The following PPM1L variants were observed in gnomAD, a reference collection of about 807,000 sequenced individuals.
PPM1L encodes the protein protein phosphatase 1L.
In PPM1L, 13 loss-of-function variants were observed where a neutral mutation model predicts 31.4. The ratio of observed to expected loss-of-function variants is 0.41; its 90% CI spans 0.27 to 0.66. The LOEUF (loss-of-function observed/expected upper bound fraction) is 0.66, where lower values mean the gene tolerates loss of function less well. Ranked by LOEUF, PPM1L falls within the 30% of genes least tolerant of loss-of-function variation. PPM1L has a pLI of 0.29. For synonymous variants in PPM1L, 184 were observed against 175.4 expected (o/e 1.05, Z -0.39); for missense variants, 326 against 453.7 (o/e 0.72, Z 2.56).
At chr3:160,795,545 T>C (rs1177672893) in intron 1 of PPM1L, among the ~76,000 whole-genome samples, 1 of 152,176 alleles carries the variant, frequency 6.6e-6, no homozygotes, top group Non-Finnish European at 1.5e-5. Context: ...GATCCGTAAG[T>C]TGGGTGCAGT....
At chr3:160,929,821 A>G (rs934147230) in intron 1 of PPM1L, among the ~76,000 whole-genome samples, 14 of 152,312 alleles carry the variant, frequency 9.2e-5, no homozygotes, top group African/African-American at 3.1e-4. Context: ...GATCCTGGAC[A>G]GACAAGCACT....
chr3:161,012,097 G>A (rs1015549370), intron 2 of PPM1L, among the ~76,000 whole-genome samples: 5 of 152,112 alleles, frequency 3.3e-5, no homozygotes, highest in African/African-American at 4.8e-5. Context: ...TCTTCTGCCC[G>A]TTTTCAAAGG....
At chr3:160,912,388 C>T (rs1232955197) in intron 1 of PPM1L, among the ~76,000 whole-genome samples, 2 of 152,206 alleles carry the variant, frequency 1.3e-5, no homozygotes, top group Non-Finnish European at 2.9e-5. Flanking sequence ...ACATCTAACT[C>T]TGCCTGTTAA....
At chr3:160,926,712 T>C (rs1379585823) in intron 1 of PPM1L, among the ~76,000 whole-genome samples, 3 of 152,196 alleles carry the variant, frequency 2.0e-5, no homozygotes, top group African/African-American at 7.2e-5. Flanking sequence ...CTGCTATGAA[T>C]ATGCTATGCC....
At chr3:160,832,485 G>A (rs112196593) in intron 1 of PPM1L, among the ~76,000 whole-genome samples, 2,876 of 152,198 alleles carry the variant, frequency 0.019, 94 homozygotes, top group African/African-American at 0.066. Flanking sequence ...AGGTGAGACT[G>A]GAAATGTAGT....
chr3:160,885,724 G>T (rs565606121), intron 1 of PPM1L, among the ~76,000 whole-genome samples: 2 of 152,204 alleles, frequency 1.3e-5, no homozygotes, highest in African/African-American at 2.4e-5. Context: ...GCCACGGATC[G>T]GAAGATCCCA....
chr3:160,932,881 T>C (rs1348830346), intron 1 of PPM1L, among the ~76,000 whole-genome samples: 2 of 152,176 alleles, frequency 1.3e-5, no homozygotes, highest in Admixed American at 6.5e-5. Flanking sequence ...GTTTTCTCAT[T>C]GGGAAATGGC....
chr3:161,011,142 G>A (rs1186677749), intron 2 of PPM1L, among the ~76,000 whole-genome samples: 1 of 152,078 alleles, frequency 6.6e-6, no homozygotes. Context: ...GGGTTTTTAT[G>A]GCTTTAGGTC....
intron 2 of PPM1L, among the ~76,000 whole-genome samples, chr3:161,062,812 T>C (rs1476738286): frequency 1.3e-5 from 2 of 152,138 alleles, no homozygotes; most frequent in Non-Finnish European, 2.9e-5. Flanking sequence ...ATTCCTCCCC[T>C]TCCCTCTCAT....
chr3:160,889,985 A>G (rs1345003526), intron 1 of PPM1L, among the ~76,000 whole-genome samples: 1 of 152,120 alleles, frequency 6.6e-6, no homozygotes, highest in Non-Finnish European at 1.5e-5. Context: ...GGGTTTTGAT[A>G]GAACATATCT....
rs1469154256 is a variant in PPM1L, at chr3:161,077,963, T to C, written c.*8806T>C. ...CTTTTTAAATCCAAATAATACTAGT[T>C]ATTGCCAAATTGCATTAGAATCCTA... On this transcript the variant is annotated 3_prime_UTR_variant, in exon 4 of 4. Transcript: ENST00000498165. The C allele has an allele frequency of 6.6e-6, 1 of 152,246 alleles. No individual in the cohort carries two copies. The highest frequency in any genetic ancestry group is 1.9e-4 in the East Asian group (1 of 5,200). The allele number at this position is 152,246 out of a possible 1,614,324, so 9.4% of individuals were successfully genotyped here.
intron 2 of PPM1L, among the ~76,000 whole-genome samples, chr3:161,039,823 A>G (rs1284262933): frequency 6.6e-6 from 1 of 152,186 alleles, no homozygotes; most frequent in Non-Finnish European, 1.5e-5. Flanking sequence ...GCCATACCTC[A>G]TATTTTAAAT....
At chr3:161,046,180 A>G (rs949953959) in intron 2 of PPM1L, among the ~76,000 whole-genome samples, 19 of 151,480 alleles carry the variant, frequency 1.3e-4, no homozygotes, top group African/African-American at 3.9e-4. Context: ...AACAAAATTG[A>G]TAGACCGCTA....
chr3:160,961,777 T>TA lies in PPM1L; in HGVS notation c.444dup (p.Gln149ThrfsTer13). 2 of 1,602,954 alleles carry TA rather than the reference T, an allele frequency of 1.2e-6. No homozygotes were observed. The highest frequency in any genetic ancestry group is 1.7e-6 in the Non-Finnish European group (2 of 1,175,634). ...TAAAATCTCGACTCCCAGAGGCCCT[T>TA]AAACAGCATCTTCAGGACTACGAGA... On this transcript the variant is annotated frameshift_variant, in exon 2 of 4. Transcript: ENST00000498165. LOFTEE classifies it high-confidence loss of function.
chr3:160,927,007 A>T (rs1290968854), intron 1 of PPM1L, among the ~76,000 whole-genome samples: 1 of 152,248 alleles, frequency 6.6e-6, no homozygotes, highest in African/African-American at 2.4e-5. Flanking sequence ...TTTGCAGATG[A>T]ATCAAGAAAG....
chr3:160,840,760 GAGAGAGAGAGAGAA>G (rs1358647371), intron 1 of PPM1L, among the ~76,000 whole-genome samples: 1 of 150,158 alleles, frequency 6.7e-6, no homozygotes, highest in Non-Finnish European at 1.5e-5. Context: ...GAGAAAGAAG[GAGAGAGAGAGAGAA>G]AGAGAGAGAG....
intron 1 of PPM1L, among the ~76,000 whole-genome samples, chr3:160,866,620 A>T (rs763564181): frequency 2.6e-5 from 4 of 152,200 alleles, no homozygotes; most frequent in Admixed American, 6.5e-5. Context: ...AACCACTTTA[A>T]TGGAGCTCTT....
intron 1 of PPM1L, among the ~76,000 whole-genome samples, chr3:160,793,137 G>A (rs923181651): frequency 2.6e-5 from 4 of 152,188 alleles, no homozygotes; most frequent in South Asian, 2.1e-4. Context: ...GATTACCCTC[G>A]CCCACCTCTT....
intron 1 of PPM1L, among the ~76,000 whole-genome samples, chr3:160,799,186 TA>T (rs2108077072): frequency 6.6e-6 from 1 of 152,362 alleles, no homozygotes; most frequent in African/African-American, 2.4e-5. Context: ...GAATGTTACA[TA>T]AACTTCGTTG....
Sources: allele counts gnomAD v4.1 joint callset (sites outside exome capture counted in the v4.1 genomes callset), GRCh38; gene constraint gnomAD v4.1.1; transcripts MANE v1.5; gene names NCBI Gene and HGNC (gene_info 2026-07-23, HGNC 2026-07-21).